PREP: variants seen among roughly 807,000 people sequenced by gnomAD.
The protein encoded by PREP is prolyl endopeptidase, also known as dJ355L5.1 (prolyl endopeptidase).
Under a neutral mutation model 87.6 loss-of-function variants are expected in PREP, and 29 were observed. The ratio of observed to expected loss-of-function variants is 0.33; its 90% CI spans 0.25 to 0.45. The LOEUF is 0.45. Among genes scored for constraint, PREP ranks in the 20% least tolerant of loss-of-function variants. PREP has a pLI of 1.00. For synonymous variants in PREP, 337 were observed against 328.6 expected, an observed-to-expected ratio of 1.03 and a Z score of -0.28; for missense variants, 695 against 886.5, an observed-to-expected ratio of 0.78 and a Z score of 2.74.
chr6:105,292,289 T>C (rs1770312898), intron 10 of PREP, among the ~76,000 whole-genome samples: 1 of 152,196 alleles, frequency 6.6e-6, no homozygotes, highest in South Asian at 2.1e-4. Context: ...TCTCAAATAA[T>C]AAGACTTGAA....
intron 7 of PREP, among the ~76,000 whole-genome samples, chr6:105,348,034 A>G (rs1771842826): frequency 6.6e-6 from 1 of 152,190 alleles, no homozygotes; most frequent in African/African-American, 2.4e-5. Flanking sequence ...GGCATGAACC[A>G]CATCAAGGAT....
intron 2 of PREP, among the ~76,000 whole-genome samples, chr6:105,379,227 G>C (rs1772773339): frequency 1.3e-5 from 2 of 152,186 alleles, no homozygotes; most frequent in Non-Finnish European, 2.9e-5. Flanking sequence ...TGTGGCTCTG[G>C]AGATCAGAAT....
At chr6:105,326,991 T>C (rs1339322224) in intron 9 of PREP, among the ~76,000 whole-genome samples, 1 of 152,144 alleles carries the variant, frequency 6.6e-6, no homozygotes, top group Non-Finnish European at 1.5e-5. Context: ...AGCCCTTTCT[T>C]CCCCAGGTAA....
intron 11 of PREP, among the ~76,000 whole-genome samples, chr6:105,286,695 G>A (rs1185592806): frequency 6.6e-6 from 1 of 151,868 alleles, no homozygotes; most frequent in Non-Finnish European, 1.5e-5. Flanking sequence ...GGATGAACAG[G>A]AAAGGTCAGA....
chr6:105,383,075 GC>G (rs978463823), intron 2 of PREP, among the ~76,000 whole-genome samples: 12 of 152,090 alleles, frequency 7.9e-5, no homozygotes, highest in African/African-American at 2.9e-4. Flanking sequence ...GCCAAGAGGC[GC>G]TCACCCTGAG....
In PREP at chr6:105,367,315, T is replaced by A. The variant is rs572987899; in HGVS notation, c.717+1588A>T. Among the ~76,000 whole-genome samples, 5 of 151,880 alleles carry A rather than the reference T, an allele frequency of 3.3e-5. No homozygotes were observed. The East Asian group carries it at 9.7e-4, about 29-fold the overall frequency. On this transcript the variant is annotated intron_variant, in intron 6 of 14. Coordinates refer to ENST00000652536, the MANE Select transcript of PREP (RefSeq NM_002726.5). ...TTGGCAGAAACAGTCTCCAAATAGA[T>A]CTCAGAAAAGCCATTAAAAACAAAT... is the stretch of plus-strand genomic sequence containing the variant.
In PREP at chr6:105,283,785, A is replaced by T. The variant is rs140371997; in HGVS notation, c.1550-1203T>A. On this transcript the variant is annotated intron_variant, in intron 12 of 14. Coordinates refer to ENST00000652536, the MANE Select transcript of PREP (RefSeq NM_002726.5). The stretch of plus-strand genomic sequence containing the variant: ...ATCAGTCTAAACATAGTCTACTGTT[A>T]GCCTTAGTCAATCTTGAACCTGCCT... 6.4e-3 allele frequency among the ~76,000 whole-genome samples: 976 copies of T among 152,348 alleles called. 7 individuals are homozygous for T. The highest frequency in any genetic ancestry group is 0.054 in the Middle Eastern group (16 of 294).
At chr6:105,371,860 T>C (rs2114707123) in intron 5 of PREP, among the ~76,000 whole-genome samples, 1 of 152,338 alleles carries the variant, frequency 6.6e-6, no homozygotes, top group South Asian at 2.1e-4. Flanking sequence ...TTTGTGCCAC[T>C]GAAAGCTGAT....
intron 6 of PREP, 75 bp from the exon 7 acceptor site, chr6:105,353,152 T>C: frequency 8.1e-7 from 1 of 1,229,736 alleles, no homozygotes; most frequent in Non-Finnish European, 1.2e-6. Context: ...AATATTAAGT[T>C]AAAAAATTAA....
At chr6:105,281,599 CA>C in intron 14 of PREP, 146 bp downstream of exon 14, 3 of 956,588 alleles carry the variant, frequency 3.1e-6, no homozygotes, top group Non-Finnish European at 4.5e-6. Flanking sequence ...TCAAGAAAGA[CA>C]AGTAGGTAGT....
At chr6:105,392,641 A>C (rs1047653997) in intron 2 of PREP, among the ~76,000 whole-genome samples, 5 of 152,046 alleles carry the variant, frequency 3.3e-5, no homozygotes, top group Non-Finnish European at 7.4e-5. Context: ...CAGTGACATG[A>C]TCTTGGCTCA....
chr6:105,315,731 A>T (rs1190670577), intron 10 of PREP, among the ~76,000 whole-genome samples: 2 of 152,232 alleles, frequency 1.3e-5, no homozygotes, highest in East Asian at 3.8e-4. Context: ...CAATTATTTT[A>T]GCTAGATCTT....
At chr6:105,344,885 G>A (rs574107766) in intron 7 of PREP, among the ~76,000 whole-genome samples, 2 of 152,214 alleles carry the variant, frequency 1.3e-5, no homozygotes, top group South Asian at 2.1e-4. Flanking sequence ...ACAACAGAAC[G>A]GTGTACATTA....
At chr6:105,362,788 T>C (rs987754601) in intron 6 of PREP, among the ~76,000 whole-genome samples, 1 of 152,090 alleles carries the variant, frequency 6.6e-6, no homozygotes, top group African/African-American at 2.4e-5. Flanking sequence ...GGGGAATAAA[T>C]ATGGACTGTG....
At chr6:105,332,922 G>A (rs1034915774) in intron 8 of PREP, among the ~76,000 whole-genome samples, 1 of 152,076 alleles carries the variant, frequency 6.6e-6, no homozygotes, top group Non-Finnish European at 1.5e-5. Context: ...CAACAACAGG[G>A]ATAATGCAAA....
chr6:105,365,453 T>C (rs1011454155), intron 6 of PREP, among the ~76,000 whole-genome samples: 7 of 152,166 alleles, frequency 4.6e-5, no homozygotes, highest in African/African-American at 1.7e-4. Flanking sequence ...ATTTTTTTCA[T>C]GATCCAGATT....
intron 1 of PREP, among the ~76,000 whole-genome samples, chr6:105,402,635 G>A (rs1023930363): frequency 3.3e-5 from 5 of 152,126 alleles, no homozygotes; most frequent in South Asian, 2.1e-4. Context: ...CACAGGCTCC[G>A]CCGCCAGCAC....
intron 5 of PREP, among the ~76,000 whole-genome samples, chr6:105,372,262 C>G (rs1006579391): frequency 2.6e-5 from 4 of 151,850 alleles, no homozygotes; most frequent in South Asian, 4.2e-4. Context: ...AAAGATACAA[C>G]AAGTCATGAT....
intron 2 of PREP, 55 bp downstream of exon 2, chr6:105,397,798 A>C: frequency 7.5e-7 from 1 of 1,328,410 alleles, no homozygotes; most frequent in Non-Finnish European, 1.1e-6. Context: ...ACTGACATTT[A>C]GAGTTTGGTG....
Sources: allele counts gnomAD v4.1 joint callset (sites outside exome capture counted in the v4.1 genomes callset), GRCh38; gene constraint gnomAD v4.1.1; transcripts MANE v1.5; gene names NCBI Gene and HGNC (gene_info 2026-07-23, HGNC 2026-07-21).